Variants in CADM2 observed in about 807,000 individuals in gnomAD.
CADM2 encodes immunoglobulin superfamily member 4D.
A neutral mutation model predicts 49.8 loss-of-function variants in CADM2; 12 were observed. The ratio of observed to expected loss-of-function variants is 0.24; its 90% CI spans 0.15 to 0.39. The LOEUF (loss-of-function observed/expected upper bound fraction) is 0.39. Ranked by LOEUF, CADM2 falls within the 10% of genes least tolerant of loss-of-function variation. The pLI, the probability that CADM2 is intolerant of heterozygous loss-of-function variation, is 1.00. For missense variants in CADM2, 378 were observed against 492.3 expected (o/e 0.77, Z 2.20); for synonymous variants, 214 against 175.4 (o/e 1.22, Z -1.74).
chr3:84,959,439 T>C lies in CADM2; in HGVS notation c.-169T>C. ...TCTGCGGGTGCTTTGCCGCTGCCGC[T>C]TCTGCTGCCGCCGATCCGAGTCCGC... On this transcript the variant is annotated 5_prime_UTR_variant, in exon 1 of 10. Coordinates refer to ENST00000383699, the MANE Select transcript of CADM2 (RefSeq NM_001167675.2). 9.8e-6 allele frequency: 6 copies of C among 612,432 alleles called. No homozygotes were observed. The highest frequency in any genetic ancestry group is 1.7e-5 in the Non-Finnish European group (6 of 350,670). 37.9% of individuals were successfully genotyped at this position (612,432 alleles called of 1,614,324 possible). A position where few individuals can be genotyped will look rare whatever the true frequency, so the allele number is the denominator to read the frequency against.
intron 7 of CADM2, among the ~76,000 whole-genome samples, chr3:85,943,872 CAA>C (rs1722293823): frequency 6.6e-6 from 1 of 151,940 alleles, no homozygotes; most frequent in Non-Finnish European, 1.5e-5. Context: ...AACTAACGAG[CAA>C]AATAACCAGC....
chr3:85,587,709 C>T (rs1158242430), intron 1 of CADM2, among the ~76,000 whole-genome samples: 1 of 151,866 alleles, frequency 6.6e-6, no homozygotes, highest in African/African-American at 2.4e-5. Flanking sequence ...CAACAAGAAA[C>T]ATTGTGTCCA....
intron 8 of CADM2, among the ~76,000 whole-genome samples, chr3:86,055,451 C>CTTTTTTTTTTTTT (rs57606781): frequency 1.1e-4 from 10 of 87,506 alleles, no homozygotes; most frequent in East Asian, 4.1e-4. Context: ...GGCATCCCCT[C>CTTTTTTTTTTTTT]TTTTTTTTTT....
At chr3:85,360,250 G>A (rs2032260164) in intron 1 of CADM2, among the ~76,000 whole-genome samples, 1 of 152,118 alleles carries the variant, frequency 6.6e-6, no homozygotes, top group African/African-American at 2.4e-5. Context: ...CAAAGCTTAG[G>A]ACTTATAATA....
At chr3:85,151,126 A>T (rs1352400660) in intron 1 of CADM2, among the ~76,000 whole-genome samples, 1 of 152,082 alleles carries the variant, frequency 6.6e-6, no homozygotes, top group Non-Finnish European at 1.5e-5. Flanking sequence ...AAGAAATTCT[A>T]CGCCTGGCCT....
At chr3:85,666,376 C>CT (rs2065568491) in intron 1 of CADM2, among the ~76,000 whole-genome samples, 1 of 151,896 alleles carries the variant, frequency 6.6e-6, no homozygotes, top group Admixed American at 6.6e-5. Flanking sequence ...CCCAATATCT[C>CT]TATCAGATTT....
At chr3:85,154,577 A>G (rs891613500) in intron 1 of CADM2, among the ~76,000 whole-genome samples, 4 of 151,814 alleles carry the variant, frequency 2.6e-5, no homozygotes, top group African/African-American at 9.7e-5. Context: ...CAGATTCAGG[A>G]AATACAGAGA....
chr3:85,499,535 C>T (rs1015609850), intron 1 of CADM2, among the ~76,000 whole-genome samples: 6 of 150,964 alleles, frequency 4.0e-5, no homozygotes, highest in Non-Finnish European at 4.4e-5. Context: ...ATTTATATTA[C>T]ATAAATTAAT....
At chr3:85,885,168 T>A (rs1044807273) in intron 4 of CADM2, among the ~76,000 whole-genome samples, 1 of 152,156 alleles carries the variant, frequency 6.6e-6, no homozygotes, top group Non-Finnish European at 1.5e-5. Context: ...CCTTTTAAAA[T>A]TTCTACACTA....
chr3:85,157,521 T>C (rs531463385), intron 1 of CADM2, among the ~76,000 whole-genome samples: 1 of 152,000 alleles, frequency 6.6e-6, no homozygotes, highest in African/African-American at 2.4e-5. Flanking sequence ...AACAGAGCCC[T>C]CAGAAATAAT....
intron 5 of CADM2, among the ~76,000 whole-genome samples, chr3:85,887,524 T>C (rs1412533512): frequency 6.6e-6 from 1 of 152,150 alleles, no homozygotes; most frequent in Non-Finnish European, 1.5e-5. Flanking sequence ...TTTTTATCAG[T>C]TTCCTGTTTT....
chr3:85,952,143 A>C lies in CADM2; in HGVS notation c.792-9326A>C, dbSNP rs142374560. Reference sequence around the variant, plus strand: ...AAGTGTGTCATCATGGCGGAGGTGGAGCTAACAAAATAATTATTGGACAGG... The same window carrying C: ...AAGTGTGTCATCATGGCGGAGGTGGCGCTAACAAAATAATTATTGGACAGG... On this transcript the variant is annotated intron_variant, in intron 7 of 9. Coordinates refer to ENST00000383699, the MANE Select transcript of CADM2 (RefSeq NM_001167675.2). 5.9e-3 allele frequency among the ~76,000 whole-genome samples: 890 copies of C among 151,002 alleles called. 8 individuals are homozygous for C. The highest frequency in any genetic ancestry group is 0.034 in the Middle Eastern group (10 of 294).
chr3:85,637,158 A>T (rs1462631882), intron 1 of CADM2, among the ~76,000 whole-genome samples: 2 of 152,198 alleles, frequency 1.3e-5, no homozygotes, highest in East Asian at 3.9e-4. Context: ...ATGTTTACAA[A>T]AGTCATATAT....
chr3:85,097,447 C>A (rs2037842323), intron 1 of CADM2, among the ~76,000 whole-genome samples: 1 of 152,128 alleles, frequency 6.6e-6, no homozygotes, highest in Admixed American at 6.5e-5. Context: ...GTGAATAGTG[C>A]CGCAATAAAC....
intron 2 of CADM2, among the ~76,000 whole-genome samples, chr3:85,782,618 T>G (rs998887358): frequency 6.8e-6 from 1 of 148,058 alleles, no homozygotes; most frequent in Non-Finnish European, 1.5e-5. Flanking sequence ...ATCGTGCCAC[T>G]GTACTCCAGC....
intron 1 of CADM2, among the ~76,000 whole-genome samples, chr3:85,692,384 G>T (rs1044427039): frequency 6.6e-6 from 1 of 152,070 alleles, no homozygotes; most frequent in African/African-American, 2.4e-5. Context: ...TATTTGCGTC[G>T]CAAGTTTTAT....
intron 1 of CADM2, among the ~76,000 whole-genome samples, chr3:85,286,266 A>C (rs2043630250): frequency 6.6e-6 from 1 of 152,112 alleles, no homozygotes; most frequent in Non-Finnish European, 1.5e-5. Flanking sequence ...GACTATCCAA[A>C]CTTTAGTTCC....
intron 1 of CADM2, among the ~76,000 whole-genome samples, chr3:84,963,675 A>G (rs1251894151): frequency 6.6e-6 from 1 of 152,112 alleles, no homozygotes; most frequent in Non-Finnish European, 1.5e-5. Flanking sequence ...TTCAAATTAA[A>G]TCTCATTGGA....
intron 1 of CADM2, among the ~76,000 whole-genome samples, chr3:85,297,350 G>T (rs914273972): frequency 6.6e-6 from 1 of 152,162 alleles, no homozygotes; most frequent in East Asian, 1.9e-4. Context: ...GGCTTCATCT[G>T]GGCTGGTATG....
Sources: allele counts gnomAD v4.1 joint callset (sites outside exome capture counted in the v4.1 genomes callset), GRCh38; gene constraint gnomAD v4.1.1; transcripts MANE v1.5; gene names NCBI Gene and HGNC (gene_info 2026-07-23, HGNC 2026-07-21).